Variants in PPARGC1A observed in about 807,000 individuals in gnomAD.
PPARGC1A encodes the protein peroxisome proliferator-activated receptor gamma coactivator 1-alpha.
In PPARGC1A, 25 loss-of-function variants were observed where a neutral mutation model predicts 88.7. The observed-to-expected ratio is 0.28, with a 90% CI of 0.21 to 0.39. PPARGC1A has a LOEUF of 0.39. PPARGC1A is among the 10% of genes least tolerant of loss of function. The pLI is 1.00. For missense variants in PPARGC1A, 880 were observed against 968.7 expected (o/e 0.91, Z 1.22); for synonymous variants, 363 against 355.6 (o/e 1.02, Z -0.24).
the PPARGC1A span, among the ~76,000 whole-genome samples, chr4:24,402,213 C>A: frequency 1.3e-5 from 2 of 152,162 alleles, no homozygotes; most frequent in African/African-American, 4.8e-5. Flanking sequence ...TGCAGAATGG[C>A]GGACGTGGAC....
At position 23,814,538 on chromosome 4, in the gene PPARGC1A, C is replaced by T. The variant is rs1355173343; in HGVS notation, c.945G>A (p.Lys315=). ...NQDNPFRASP[K]LKSSCKTVVP... The stretch of plus-strand genomic sequence containing the variant: ...CCACAGTCTTGCAAGAGGACTTCAG[C>T]TTTGGAGAAGCCCTAAAAGGGTTAT... Residue 315 remains lysine (K), a synonymous_variant, in exon 8 of 13, where the codon AAG becomes AAA. Coordinates refer to ENST00000264867, the MANE Select transcript of PPARGC1A (RefSeq NM_013261.5). 6.2e-7 allele frequency: 1 copy of T among 1,610,744 alleles called. No individual in the cohort carries two copies. The highest frequency in any genetic ancestry group is 8.5e-7 in the Non-Finnish European group (1 of 1,179,518).
At chr4:24,299,737 T>G in the PPARGC1A span, among the ~76,000 whole-genome samples, 1 of 152,154 alleles carries the variant, frequency 6.6e-6, no homozygotes, top group African/African-American at 2.4e-5. Flanking sequence ...ACTACAGTCT[T>G]GGGGACCATC....
the PPARGC1A span, among the ~76,000 whole-genome samples, chr4:24,135,842 G>C: frequency 5.9e-5 from 9 of 152,180 alleles, no homozygotes; most frequent in African/African-American, 2.2e-4. Context: ...TACTCTGGGG[G>C]GGTCAATATG....
the PPARGC1A span, among the ~76,000 whole-genome samples, chr4:24,006,184 G>C: frequency 5.9e-5 from 9 of 152,146 alleles, no homozygotes; most frequent in Non-Finnish European, 1.3e-4. Flanking sequence ...AAGTAGCTGG[G>C]ATCATAGGTG....
At chr4:23,903,202 G>A (rs182738653), upstream of PPARGC1A, among the ~76,000 whole-genome samples, 285 of 152,232 alleles carry the variant, frequency 1.9e-3, 3 homozygotes, top group Non-Finnish European at 8.4e-4. Flanking sequence ...AGAATATCAA[G>A]CATCATTTCA....
At chr4:24,427,274 CT>C in the PPARGC1A span, among the ~76,000 whole-genome samples, 1 of 148,016 alleles carries the variant, frequency 6.8e-6, no homozygotes, top group East Asian at 2.0e-4. Context: ...TGCATCTATT[CT>C]TTATTTATTT....
At chr4:23,904,136 A>T (rs1437733384), upstream of PPARGC1A, 1 of 761,138 alleles carries the variant, frequency 1.3e-6, no homozygotes. Context: ...GGGCATGGTG[A>T]CGTGGGAGGG....
At chr4:23,832,150 T>G (rs1334879011) in intron 2 of PPARGC1A, among the ~76,000 whole-genome samples, 1 of 152,132 alleles carries the variant, frequency 6.6e-6, no homozygotes, top group Non-Finnish European at 1.5e-5. Flanking sequence ...GATATAGTGT[T>G]TGAATCTCCT....
chr4:24,169,784 C>G, the PPARGC1A span, among the ~76,000 whole-genome samples: 2 of 152,050 alleles, frequency 1.3e-5, no homozygotes, highest in African/African-American at 4.8e-5. Flanking sequence ...TTGCAGTGAG[C>G]AGAGATGGCG....
At chr4:24,207,088 T>C in the PPARGC1A span, among the ~76,000 whole-genome samples, 1 of 152,078 alleles carries the variant, frequency 6.6e-6, no homozygotes, top group Non-Finnish European at 1.5e-5. Context: ...TTTAAATGTT[T>C]TGATGTAGCT....
the PPARGC1A span, among the ~76,000 whole-genome samples, chr4:24,332,229 C>T: frequency 1.3e-5 from 2 of 151,956 alleles, no homozygotes; most frequent in African/African-American, 2.4e-5. Flanking sequence ...CCATTCACCT[C>T]GGCCTCTCAA....
At chr4:23,924,819 T>C in the PPARGC1A span, among the ~76,000 whole-genome samples, 1 of 152,144 alleles carries the variant, frequency 6.6e-6, no homozygotes, top group African/African-American at 2.4e-5. Flanking sequence ...CATAGCTCAC[T>C]GGTCCTGCAC....
chr4:23,881,414 C>T (rs1715911521), intron 2 of PPARGC1A: 1 of 152,156 alleles, frequency 6.6e-6, no homozygotes, highest in Non-Finnish European at 1.5e-5. Flanking sequence ...CCCTCTGCCA[C>T]CACCCAGAAT....
chr4:24,453,391 G>T, the PPARGC1A span, among the ~76,000 whole-genome samples: 1 of 152,230 alleles, frequency 6.6e-6, no homozygotes, highest in Non-Finnish European at 1.5e-5. Flanking sequence ...TCTCATAAAG[G>T]CTTCATCAAC....
chr4:23,963,139 T>C, the PPARGC1A span, among the ~76,000 whole-genome samples: 2 of 152,082 alleles, frequency 1.3e-5, no homozygotes, highest in African/African-American at 4.8e-5. Context: ...AAAACCACAA[T>C]CAATCAGCTT....
At chr4:24,121,171 T>C in the PPARGC1A span, among the ~76,000 whole-genome samples, 415 of 152,274 alleles carry the variant, frequency 2.7e-3, 4 homozygotes, top group East Asian at 0.051. Flanking sequence ...CCCAAGCCAC[T>C]AGGGTGGCCA....
chr4:23,904,920 TCTC>T (rs1485054667), upstream of PPARGC1A, among the ~76,000 whole-genome samples: 1 of 152,220 alleles, frequency 6.6e-6, no homozygotes, highest in East Asian at 1.9e-4. Flanking sequence ...CTTAAAGCAT[TCTC>T]CTTTTTGTTG....
chr4:24,139,280 C>T, the PPARGC1A span, among the ~76,000 whole-genome samples: 2 of 151,996 alleles, frequency 1.3e-5, no homozygotes, highest in African/African-American at 4.8e-5. Context: ...ACTACAGGCA[C>T]CTGCCACACG....
At chr4:24,187,838 G>C in the PPARGC1A span, among the ~76,000 whole-genome samples, 3 of 152,166 alleles carry the variant, frequency 2.0e-5, no homozygotes, top group African/African-American at 7.2e-5. Flanking sequence ...AATCACAAAT[G>C]TTTGATAAAT....
Sources: gnomAD v4.1 joint callset for allele counts (sites outside exome capture counted in the v4.1 genomes callset) on GRCh38, gnomAD v4.1.1 for gene constraint, MANE v1.5 for transcripts, NCBI Gene and HGNC (gene_info 2026-07-23, HGNC 2026-07-21) for gene names.